TUSC3: variants seen among roughly 807,000 people sequenced by gnomAD.
TUSC3 encodes the protein dolichyl-diphosphooligosaccharide--protein glycosyltransferase subunit TUSC3.
In TUSC3, 45 loss-of-function variants were observed where a neutral mutation model predicts 44.8. That is an observed-to-expected ratio of 1.00 (90% CI 0.79 to 1.29). TUSC3 has a LOEUF of 1.29. Ranked by LOEUF, TUSC3 falls within the 50% of genes most tolerant of loss-of-function variation. The pLI, the probability that TUSC3 is intolerant of heterozygous loss-of-function variation, is 0.00. For missense variants in TUSC3, 519 were observed against 437.9 expected (o/e 1.19, Z -1.65); for synonymous variants, 212 against 152.9 (o/e 1.39, Z -2.85).
intron 5 of TUSC3, among the ~76,000 whole-genome samples, chr8:15,662,696 G>A (rs979822427): frequency 3.9e-5 from 6 of 152,044 alleles, no homozygotes; most frequent in African/African-American, 1.4e-4. Context: ...ACTGATATAT[G>A]TTAGATACTG....
At chr8:15,548,493 T>G (rs1277915205) in intron 1 of TUSC3, among the ~76,000 whole-genome samples, 1 of 151,838 alleles carries the variant, frequency 6.6e-6, no homozygotes, top group South Asian at 2.1e-4. Context: ...TGTATGAGAA[T>G]GTGATGCTTT....
At chr8:15,618,679 T>C (rs2129162402) in intron 1 of TUSC3, among the ~76,000 whole-genome samples, 1 of 152,304 alleles carries the variant, frequency 6.6e-6, no homozygotes, top group South Asian at 2.1e-4. Flanking sequence ...AGTCTAAAGA[T>C]AAAAAGTATA....
chr8:15,421,985 A>G (rs1201390525), intron 1 of TUSC3, among the ~76,000 whole-genome samples: 2 of 152,172 alleles, frequency 1.3e-5, no homozygotes, highest in Non-Finnish European at 2.9e-5. Flanking sequence ...TGGGAGCATC[A>G]TAATGTACTA....
chr8:15,489,472 A>G (rs867384333), intron 2 of TUSC3, among the ~76,000 whole-genome samples: 4 of 152,226 alleles, frequency 2.6e-5, no homozygotes, highest in African/African-American at 9.6e-5. Flanking sequence ...TCTCTTCAGG[A>G]TCAGAAAAAC....
At chr8:15,437,951 G>A (rs2129117910) in intron 1 of TUSC3, among the ~76,000 whole-genome samples, 2 of 152,304 alleles carry the variant, frequency 1.3e-5, no homozygotes, top group South Asian at 4.1e-4. Context: ...TGAGAAGCAG[G>A]CAGAATAAAA....
At chr8:15,553,968 G>T (rs1802143942) in intron 1 of TUSC3, among the ~76,000 whole-genome samples, 2 of 151,696 alleles carry the variant, frequency 1.3e-5, no homozygotes, top group South Asian at 4.2e-4. Flanking sequence ...ATAACCATCA[G>T]ATGGGCAGCA....
chr8:15,558,918 G>T (rs538280470), intron 1 of TUSC3, among the ~76,000 whole-genome samples: 1 of 151,166 alleles, frequency 6.6e-6, no homozygotes, highest in Non-Finnish European at 1.5e-5. Context: ...TCTTGCTAGC[G>T]GTCTATCAAT....
At chr8:15,599,502 C>T (rs1304601973) in intron 1 of TUSC3, among the ~76,000 whole-genome samples, 2 of 151,772 alleles carry the variant, frequency 1.3e-5, no homozygotes, top group East Asian at 3.9e-4. Flanking sequence ...AAAAAGTCAT[C>T]GCCATACCCA....
chr8:15,850,236 G>T, the TUSC3 span, among the ~76,000 whole-genome samples: 1 of 151,428 alleles, frequency 6.6e-6, no homozygotes, highest in Non-Finnish European at 1.5e-5. Context: ...AAATCACTTA[G>T]TATTATGTAA....
At chr8:15,528,931 G>T (rs929917245) in intron 2 of TUSC3, among the ~76,000 whole-genome samples, 23 of 152,074 alleles carry the variant, frequency 1.5e-4, no homozygotes, top group African/African-American at 5.3e-4. Flanking sequence ...AGACAATAAT[G>T]ACCTTTACCT....
chr8:15,428,274 C>T (rs575528712), intron 1 of TUSC3, among the ~76,000 whole-genome samples: 32 of 151,902 alleles, frequency 2.1e-4, no homozygotes, highest in Admixed American at 1.4e-3. Context: ...CCAGCTTCAT[C>T]GATGTCCCTA....
intron 1 of TUSC3, among the ~76,000 whole-genome samples, chr8:15,603,827 T>C (rs62504258): frequency 0.13 from 19,607 of 151,504 alleles, 1,642 homozygotes; most frequent in Non-Finnish European, 0.19. Context: ...ATGTTAAATT[T>C]TACAGACTTA....
intron 1 of TUSC3, among the ~76,000 whole-genome samples, chr8:15,565,801 C>A (rs761098538): frequency 6.6e-6 from 1 of 152,000 alleles, no homozygotes; most frequent in South Asian, 2.1e-4. Context: ...CCATGTGTTG[C>A]GGATGGCAGA....
At chr8:15,785,444 T>G in the TUSC3 span, among the ~76,000 whole-genome samples, 13 of 151,550 alleles carry the variant, frequency 8.6e-5, no homozygotes, top group African/African-American at 2.4e-4. Context: ...TGTGGACACT[T>G]TTTTCATTCC....
At chr8:15,693,880 G>A (rs148682112) in intron 6 of TUSC3, among the ~76,000 whole-genome samples, 5,216 of 152,024 alleles carry the variant, frequency 0.034, 114 homozygotes, top group Non-Finnish European at 0.048. Context: ...TTATTTCAAA[G>A]AGCCAGTCTT....
chr8:15,653,049 C>A (rs548384101), intron 3 of TUSC3, among the ~76,000 whole-genome samples: 1 of 152,198 alleles, frequency 6.6e-6, no homozygotes, highest in South Asian at 2.1e-4. Context: ...CTTGGTATGT[C>A]TTTTTAAAAA....
the TUSC3 span, among the ~76,000 whole-genome samples, chr8:15,796,235 G>C: frequency 1.3e-5 from 2 of 152,282 alleles, no homozygotes; most frequent in South Asian, 4.2e-4. Flanking sequence ...AGCTGAGTCA[G>C]CTGCTTACTT....
chr8:15,664,437 TTTA>T (rs56049201), intron 5 of TUSC3, among the ~76,000 whole-genome samples: 3,856 of 143,818 alleles, frequency 0.027, 51 homozygotes, highest in South Asian at 0.076. Context: ...GTTATACAGA[TTTA>T]TTATTATTAT....
chr8:15,680,610 G>C (rs1173140149), intron 6 of TUSC3, among the ~76,000 whole-genome samples: 1 of 152,054 alleles, frequency 6.6e-6, no homozygotes, highest in Admixed American at 6.6e-5. Flanking sequence ...CTCTCATGAA[G>C]ACTTCCAGTA....
Sources: gnomAD v4.1 joint callset for allele counts (sites outside exome capture counted in the v4.1 genomes callset) on GRCh38, gnomAD v4.1.1 for gene constraint, MANE v1.5 for transcripts, NCBI Gene and HGNC (gene_info 2026-07-23, HGNC 2026-07-21) for gene names.